The following VRK3 variants were observed in gnomAD, a reference collection of about 807,000 sequenced individuals.
VRK3 encodes the protein VRK serine/threonine kinase 3.
VRK3 carries 50 observed loss-of-function variants against 60.4 expected under a neutral mutation model. The ratio of observed to expected loss-of-function variants is 0.83; its 90% CI spans 0.66 to 1.05. The LOEUF (loss-of-function observed/expected upper bound fraction) is 1.05, where lower values mean the gene tolerates loss of function less well. VRK3 is among the 50% of genes least tolerant of loss of function. VRK3 has a pLI of 0.00. For synonymous variants in VRK3, 246 were observed against 227.8 expected, an observed-to-expected ratio of 1.08 and a Z score of -0.72; for missense variants, 549 against 585.3, an observed-to-expected ratio of 0.94 and a Z score of 0.64.
At position 50,016,136 on chromosome 19, in the gene VRK3, G is replaced by A; in HGVS notation, c.27C>T (p.Gly9=). Residue 9 remains glycine, a synonymous_variant, in exon 3 of 15, where the codon GGC becomes GGT. Transcript: ENST00000316763. MISFCPDC[G]KSIQAAFKFC... ...ATTTGAATGCCGCTTGGATACTTTT[G>A]CCACAGTCTGGACAGAAGGAGATCA... 6.2e-7 allele frequency: 1 copy of A among 1,614,188 alleles called. No individual in the cohort carries two copies. The highest frequency in any genetic ancestry group is 8.5e-7 in the Non-Finnish European group (1 of 1,180,054).
At chr19:49,981,526 C>G (rs748222171) in intron 12 of VRK3, 2 of 277,930 alleles carry the variant, frequency 7.2e-6, no homozygotes, top group South Asian at 1.3e-4. Context: ...GCCTGGGCGA[C>G]AGAGAGAGAC....
At chr19:50,020,194 C>T (rs1028765942) in intron 2 of VRK3, among the ~76,000 whole-genome samples, 5 of 152,130 alleles carry the variant, frequency 3.3e-5, no homozygotes, top group African/African-American at 1.2e-4. Flanking sequence ...GTAGGCGCCA[C>T]CATACCTAGC....
intron 12 of VRK3, chr19:49,988,168 C>T (rs931956842): frequency 1.6e-6 from 1 of 637,318 alleles, no homozygotes; most frequent in Non-Finnish European, 2.4e-6. Context: ...GTGCCAGAGT[C>T]TGAGCCCAGG....
intron 1 of VRK3, among the ~76,000 whole-genome samples, chr19:50,023,017 A>G (rs1196217011): frequency 1.3e-5 from 2 of 151,940 alleles, no homozygotes; most frequent in Non-Finnish European, 2.9e-5. Flanking sequence ...CTTTTCCCCA[A>G]TCGTGACAAG....
intron 2 of VRK3, chr19:50,019,366 C>CCTTTTTTTTTT (rs1555854630): frequency 1.3e-5 from 2 of 148,732 alleles, no homozygotes; most frequent in South Asian, 2.1e-4. Context: ...CCATGCCTGG[C>CCTTTTTTTTTT]TAATTAAAAA....
At position 50,007,642 on chromosome 19, in the gene VRK3, C is replaced by T; in HGVS notation, c.474G>A (p.Leu158=). The T allele has an allele frequency of 6.2e-7, 1 of 1,614,232 alleles. No individual in the cohort carries two copies. The highest frequency in any genetic ancestry group is 1.1e-5 in the South Asian group (1 of 91,084). ...SLEALPTGTV[L]TDKSGRQWKL... ...TCCACTGTCGCCCACTCTTGTCTGT[C>T]AGCACTGTCCCTGTGGGCAAAGCTT... The change falls in exon 5 of 15, where the codon CTG becomes CTA. Residue 158 remains leucine, a synonymous_variant. Coordinates refer to ENST00000316763, the MANE Select transcript of VRK3 (RefSeq NM_016440.4).
chr19:49,998,153 A>G (rs554365674), intron 6 of VRK3: 5 of 151,760 alleles, frequency 3.3e-5, no homozygotes, highest in Admixed American at 1.3e-4. Context: ...ATAAAACATC[A>G]TCTTGCTTAA....
At position 49,988,555 on chromosome 19, in the gene VRK3, C is replaced by T; in HGVS notation, c.1097-63G>A. The T allele has an allele frequency of 2.5e-6, 4 of 1,569,778 alleles. No homozygotes were observed. In the African/African-American group the frequency reaches 4.1e-5, roughly 16 times the overall value. ...GACGCTCCACTCACTGGTGGGTCCA[C>T]CCCCCTTCCTTCCCCTCTCTCTCAC... On this transcript the variant is annotated intron_variant, in intron 11 of 14. Coordinates refer to ENST00000316763, the MANE Select transcript of VRK3 (RefSeq NM_016440.4).
chr19:49,980,625 G>A (rs1047148440), intron 13 of VRK3, among the ~76,000 whole-genome samples: 12 of 152,004 alleles, frequency 7.9e-5, no homozygotes, highest in Non-Finnish European at 1.0e-4. Flanking sequence ...GCTGAGGCAC[G>A]AGAATTGCTT....
intron 9 of VRK3, among the ~76,000 whole-genome samples, chr19:49,994,376 T>G (rs1348598028): frequency 6.6e-6 from 1 of 152,182 alleles, no homozygotes; most frequent in African/African-American, 2.4e-5. Flanking sequence ...CTGATGAATA[T>G]TTAATGGGGA....
chr19:50,018,171 C>G (rs2077107552), intron 2 of VRK3, among the ~76,000 whole-genome samples: 1 of 152,200 alleles, frequency 6.6e-6, no homozygotes, highest in Admixed American at 6.5e-5. Flanking sequence ...CAGCTCCTAT[C>G]TGATAGAATG....
intron 3 of VRK3, among the ~76,000 whole-genome samples, chr19:50,011,968 A>G (rs1600713009): frequency 7.5e-6 from 1 of 133,570 alleles, no homozygotes; most frequent in African/African-American, 3.0e-5. Flanking sequence ...CACCTTGCTC[A>G]TTCTTTTTTT....
chr19:50,010,059 T>TATACAC lies in VRK3; in HGVS notation c.140-675_140-674insGTGTAT, dbSNP rs143020431. Among the ~76,000 whole-genome samples the TATACAC allele has an allele frequency of 2.0e-5, 3 of 150,996 alleles. No homozygotes were observed. In the East Asian group the frequency reaches 5.8e-4, roughly 29 times the overall value. On this transcript the variant is annotated intron_variant, in intron 3 of 14. Coordinates refer to ENST00000316763, the MANE Select transcript of VRK3 (RefSeq NM_016440.4). ...TTACAATAATTATTTTATATATATA[T>TATACAC]ACACACACACACACATATACACACA...
intron 14 of VRK3, chr19:49,978,861 A>G: frequency 4.5e-6 from 2 of 443,910 alleles, no homozygotes; most frequent in Non-Finnish European, 7.9e-6. Flanking sequence ...CAGCCAATCA[A>G]TCCCCACTTT....
At chr19:50,010,475 GAGA>G (rs1164490600) in intron 3 of VRK3, among the ~76,000 whole-genome samples, 2 of 152,212 alleles carry the variant, frequency 1.3e-5, no homozygotes, top group African/African-American at 2.4e-5. Context: ...TGTTTTCCAA[GAGA>G]AGATTTGTTT....
chr19:50,003,005 ACT>A (rs1406562914), intron 5 of VRK3, among the ~76,000 whole-genome samples: 1 of 151,918 alleles, frequency 6.6e-6, no homozygotes, highest in African/African-American at 2.4e-5. Flanking sequence ...TCCCGGCATC[ACT>A]CTACTCATTT....
chr19:50,015,929 T>A, intron 3 of VRK3, 95 bp downstream of exon 3: 2 of 1,549,184 alleles, frequency 1.3e-6, no homozygotes, highest in Non-Finnish European at 1.8e-6. Flanking sequence ...CAGGACAGGG[T>A]CAGACAGGCT....
chr19:50,004,998 C>T (rs1447219767), intron 5 of VRK3, among the ~76,000 whole-genome samples: 1 of 145,290 alleles, frequency 6.9e-6, no homozygotes, highest in Non-Finnish European at 1.5e-5. Context: ...CTTGGTCACA[C>T]TCTTTCCCCT....
intron 1 of VRK3, among the ~76,000 whole-genome samples, chr19:50,024,104 A>G (rs1013519882): frequency 6.6e-6 from 1 of 151,954 alleles, no homozygotes; most frequent in African/African-American, 2.4e-5. Flanking sequence ...TGCCCGGCTA[A>G]TTTTTTTATT....
Sources: allele counts gnomAD v4.1 joint callset (sites outside exome capture counted in the v4.1 genomes callset), GRCh38; gene constraint gnomAD v4.1.1; transcripts MANE v1.5; gene names NCBI Gene and HGNC (gene_info 2026-07-23, HGNC 2026-07-21).